ZFAND6: variants seen among roughly 807,000 people sequenced by gnomAD.
The protein encoded by ZFAND6 is AN1-type zinc finger protein 6.
Under a neutral mutation model 24.5 loss-of-function variants are expected in ZFAND6, and 12 were observed. The observed-to-expected ratio is 0.49, with a 90% CI of 0.31 to 0.79. The LOEUF (loss-of-function observed/expected upper bound fraction) is 0.79, where lower values mean the gene tolerates loss of function less well. Among genes scored for constraint, ZFAND6 ranks in the 30% least tolerant of loss-of-function variants. ZFAND6 has a pLI of 0.04. For synonymous variants in ZFAND6, 92 were observed against 81.5 expected (o/e 1.13, Z -0.69); for missense variants, 207 against 245.9 (o/e 0.84, Z 1.06).
intron 1 of ZFAND6, among the ~76,000 whole-genome samples, chr15:80,095,760 G>A (rs1376608400): frequency 6.6e-6 from 1 of 152,158 alleles, no homozygotes; most frequent in Non-Finnish European, 1.5e-5. Context: ...TCTGTACCAC[G>A]TGAGATGAGC....
At chr15:80,118,398 T>A (rs963864739) in intron 2 of ZFAND6, among the ~76,000 whole-genome samples, 2 of 152,092 alleles carry the variant, frequency 1.3e-5, no homozygotes, top group African/African-American at 4.8e-5. Flanking sequence ...ATTAATTAGC[T>A]ACAGGACCTT....
intron 1 of ZFAND6, among the ~76,000 whole-genome samples, chr15:80,096,663 T>A (rs527292484): frequency 1.3e-5 from 2 of 152,346 alleles, no homozygotes; most frequent in Admixed American, 1.3e-4. Context: ...TGTTTTTGAA[T>A]TATGTTGCTA....
At chr15:80,134,673 A>C (rs1341089420) in intron 6 of ZFAND6, among the ~76,000 whole-genome samples, 3 of 152,238 alleles carry the variant, frequency 2.0e-5, no homozygotes, top group African/African-American at 7.2e-5. Flanking sequence ...TAAGGATTTC[A>C]AGATAGGGAT....
upstream of ZFAND6, among the ~76,000 whole-genome samples, chr15:80,059,030 T>A (rs540102453): frequency 1.3e-5 from 2 of 152,262 alleles, no homozygotes; most frequent in South Asian, 4.1e-4. Context: ...GAACTGGGGG[T>A]GCTTGTGCCT....
intron 2 of ZFAND6, among the ~76,000 whole-genome samples, chr15:80,106,856 G>C (rs954853151): frequency 1.3e-5 from 2 of 152,162 alleles, no homozygotes; most frequent in Non-Finnish European, 1.5e-5. Flanking sequence ...GCTTTACTCT[G>C]GGGTGACGTA....
rs2142017358 is a variant in ZFAND6 at position 80,121,827 on chromosome 15, T to G, written c.263+7T>G. ...CTTCATCTATGCAGCCCAGGTAAGATGTACTCTCTGAATTCTAATGAGAAT... is the reference window on the plus strand; with the variant it reads ...CTTCATCTATGCAGCCCAGGTAAGAGGTACTCTCTGAATTCTAATGAGAAT... On this transcript the variant is annotated splice_region_variant and intron_variant, in intron 4 of 6. Coordinates refer to ENST00000261749, the MANE Select transcript of ZFAND6 (RefSeq NM_019006.4). 1.9e-6 allele frequency: 3 copies of G among 1,606,314 alleles called. No individual in the cohort carries two copies. The highest frequency in any genetic ancestry group is 2.2e-5 in the East Asian group (1 of 44,790).
At chr15:80,123,989 G>C (rs149657324) in intron 5 of ZFAND6, among the ~76,000 whole-genome samples, 1 of 152,012 alleles carries the variant, frequency 6.6e-6, no homozygotes, top group Non-Finnish European at 1.5e-5. Context: ...AGATTTTGCC[G>C]TAACAAAAGA....
rs149705629 is a variant in ZFAND6, at chr15:80,082,709, A to G, written c.-180-15707A>G. On this transcript the variant is annotated intron_variant, in intron 1 of 6. Transcript: ENST00000261749. ...ATTCATTCTTATTTTAGTGAGTGTCAAAGGATGGAAACTGGTAAGAGTTCC... is the reference window on the plus strand; with the variant it reads ...ATTCATTCTTATTTTAGTGAGTGTCGAAGGATGGAAACTGGTAAGAGTTCC... Among the ~76,000 whole-genome samples, 14 of 152,324 alleles carry G rather than the reference A, an allele frequency of 9.2e-5. No homozygotes were observed. In the East Asian group the frequency reaches 2.3e-3, roughly 25 times the overall value.
intron 5 of ZFAND6, among the ~76,000 whole-genome samples, chr15:80,128,092 A>G (rs1421855294): frequency 1.3e-5 from 2 of 152,220 alleles, no homozygotes; most frequent in African/African-American, 2.4e-5. Flanking sequence ...AAAAGGCTAC[A>G]TGTTGTATGA....
intron 1 of ZFAND6, among the ~76,000 whole-genome samples, chr15:80,098,038 A>G (rs2038834089): frequency 6.6e-6 from 1 of 152,206 alleles, no homozygotes; most frequent in Non-Finnish European, 1.5e-5. Flanking sequence ...TGACATGTAT[A>G]CTTGAGACTC....
intron 1 of ZFAND6, among the ~76,000 whole-genome samples, chr15:80,097,603 C>T (rs1422279479): frequency 4.6e-5 from 7 of 152,020 alleles, no homozygotes; most frequent in South Asian, 2.1e-4. Flanking sequence ...GAGCCAAGAT[C>T]GCACCATTGC....
chr15:80,097,640 C>T (rs944262064), intron 1 of ZFAND6, among the ~76,000 whole-genome samples: 5 of 147,394 alleles, frequency 3.4e-5, no homozygotes, highest in Non-Finnish European at 3.0e-5. Flanking sequence ...GCAACAAGAA[C>T]GAAACTGTCT....
chr15:80,096,332 G>A (rs2038719694), intron 1 of ZFAND6, among the ~76,000 whole-genome samples: 1 of 152,164 alleles, frequency 6.6e-6, no homozygotes, highest in African/African-American at 2.4e-5. Flanking sequence ...TTTAGCCCTT[G>A]TACTGCAGAC....
chr15:80,107,226 T>A (rs1426540465), intron 2 of ZFAND6, among the ~76,000 whole-genome samples: 1 of 151,240 alleles, frequency 6.6e-6, no homozygotes. Flanking sequence ...AAAAAAAAAA[T>A]AGATTTAGTA....
In ZFAND6 at chr15:80,099,624, T is replaced by TTTTTTTTC. The variant is rs2038924812; in HGVS notation, c.-18+1053_-18+1054insCTTTTTTT. Among the ~76,000 whole-genome samples, 2 of 144,586 alleles carry TTTTTTTTC rather than the reference T, an allele frequency of 1.4e-5. 1 individual carries two copies. Among genetic ancestry groups the TTTTTTTTC allele is most frequent in the Non-Finnish European group, 3.0e-5 (2 of 65,724 alleles). 94.9% of individuals were successfully genotyped at this position (144,586 alleles called of 152,430 possible). On this transcript the variant is annotated intron_variant, in intron 2 of 6. Coordinates refer to ENST00000261749, the MANE Select transcript of ZFAND6 (RefSeq NM_019006.4). ...CACACTGAATATGGATATCCTTTTT[T>TTTTTTTTC]TTTTTTTTTTCGAGACGGAGTCTCA...
At chr15:80,060,977 C>G (rs552277995) in intron 1 of ZFAND6, among the ~76,000 whole-genome samples, 3 of 152,236 alleles carry the variant, frequency 2.0e-5, no homozygotes, top group African/African-American at 7.2e-5. Flanking sequence ...GATTAAATTC[C>G]TCTTTCAAAC....
chr15:80,064,469 A>T (rs1425378285), intron 1 of ZFAND6, among the ~76,000 whole-genome samples: 1 of 152,070 alleles, frequency 6.6e-6, no homozygotes, highest in Non-Finnish European at 1.5e-5. Flanking sequence ...CTTCTAGTTT[A>T]TCTTTTGCCC....
intron 1 of ZFAND6, among the ~76,000 whole-genome samples, chr15:80,097,189 G>A (rs927016064): frequency 6.6e-6 from 1 of 151,568 alleles, no homozygotes; most frequent in African/African-American, 2.4e-5. Flanking sequence ...TTGTAGAGAC[G>A]GGGTTTCACC....
chr15:80,103,069 T>G (rs921732482), intron 2 of ZFAND6, among the ~76,000 whole-genome samples: 4 of 152,230 alleles, frequency 2.6e-5, no homozygotes, highest in African/African-American at 9.6e-5. Flanking sequence ...TCACCTTGTC[T>G]GGAGGGTTTA....
Sources: allele counts gnomAD v4.1 joint callset (sites outside exome capture counted in the v4.1 genomes callset), GRCh38; gene constraint gnomAD v4.1.1; transcripts MANE v1.5; gene names NCBI Gene and HGNC (gene_info 2026-07-23, HGNC 2026-07-21).